SNRK: variants seen among roughly 807,000 people sequenced by gnomAD.
SNRK encodes the protein SNF-related serine/threonine-protein kinase.
Under a neutral mutation model 48.2 loss-of-function variants are expected in SNRK, and 3 were observed. That is an observed-to-expected ratio of 0.06 (90% CI 0.03 to 0.16). SNRK has a LOEUF of 0.16. Among genes scored for constraint, SNRK ranks in the 10% least tolerant of loss-of-function variants. The probability of loss-of-function intolerance (pLI) is 1.00; values close to 1 mark genes in which losing one functional copy is unlikely to be tolerated. For synonymous variants in SNRK, 376 were observed against 366.1 expected, an observed-to-expected ratio of 1.03 and a Z score of -0.31; for missense variants, 627 against 976.0, an observed-to-expected ratio of 0.64 and a Z score of 4.76.
At chr3:43,341,773 C>T (rs2091239947) in intron 5 of SNRK, among the ~76,000 whole-genome samples, 1 of 152,220 alleles carries the variant, frequency 6.6e-6, no homozygotes, top group Admixed American at 6.5e-5. Context: ...TCGTGCCACA[C>T]ACATGCCCAC....
chr3:43,331,943 C>T (rs1332680431), intron 3 of SNRK, among the ~76,000 whole-genome samples: 1 of 152,150 alleles, frequency 6.6e-6, no homozygotes, highest in Non-Finnish European at 1.5e-5. Context: ...GTCTCTTCAT[C>T]GAACATTTAT....
intron 6 of SNRK, among the ~76,000 whole-genome samples, chr3:43,344,966 C>T (rs1387576969): frequency 3.9e-5 from 6 of 152,050 alleles, no homozygotes; most frequent in Non-Finnish European, 5.9e-5. Context: ...TATGTGAGAC[C>T]AACATTAGCT....
At chr3:43,343,211 T>C in intron 5 of SNRK, 133 bp from the exon 6 acceptor site, 2 of 1,228,486 alleles carry the variant, frequency 1.6e-6, no homozygotes, top group Non-Finnish European at 2.2e-6. Flanking sequence ...TTTTTCTGGT[T>C]TGCATTTTTT....
chr3:43,312,042 G>A (rs2125626065), intron 3 of SNRK, among the ~76,000 whole-genome samples: 1 of 152,086 alleles, frequency 6.6e-6, no homozygotes, highest in South Asian at 2.1e-4. Flanking sequence ...GTTAAATTTG[G>A]TATTGGGAAC....
At chr3:43,322,219 TTGAC>T (rs1365531683) in intron 3 of SNRK, among the ~76,000 whole-genome samples, 2 of 152,278 alleles carry the variant, frequency 1.3e-5, no homozygotes, top group Admixed American at 6.5e-5. Flanking sequence ...AATTAATTAA[TTGAC>T]TGGAAAAATT....
intron 4 of SNRK, among the ~76,000 whole-genome samples, chr3:43,334,055 A>C (rs906954180): frequency 2.6e-5 from 4 of 152,160 alleles, no homozygotes; most frequent in African/African-American, 9.7e-5. Context: ...CTGAGGCAGG[A>C]GAATCACTTG....
rs745438813 is a variant in SNRK, at chr3:43,347,507, C to T, written c.1248C>T (p.Leu416=). Residue 416 remains leucine, a synonymous_variant, in exon 7 of 7, where the codon CTC becomes CTT. Coordinates refer to ENST00000296088, the MANE Select transcript of SNRK (RefSeq NM_017719.5). This position sits in a 1 kb window ranked among gnomAD's most constrained non-coding sequence, Gnocchi z 5.4. ...GLCDSAKKDD[L]PELAGPALST... is the part of the protein sequence containing the mutation. ...GTGACTCAGCTAAGAAAGATGACCT[C>T]CCTGAGTTGGCTGGACCAGCACTCT... The T allele has an allele frequency of 2.5e-6, 4 of 1,613,584 alleles. No homozygotes were observed. Among genetic ancestry groups the T allele is most frequent in the South Asian group, 2.2e-5 (2 of 91,040 alleles).
At chr3:43,328,108 T>C (rs928533402) in intron 3 of SNRK, among the ~76,000 whole-genome samples, 16 of 152,184 alleles carry the variant, frequency 1.1e-4, no homozygotes, top group African/African-American at 2.9e-4. Flanking sequence ...GGTTGATGTT[T>C]GTTAACCCGT....
chr3:43,336,583 C>T (rs1470883896), intron 4 of SNRK, among the ~76,000 whole-genome samples: 1 of 152,164 alleles, frequency 6.6e-6, no homozygotes, highest in Non-Finnish European at 1.5e-5. Context: ...CCTCCAGCCT[C>T]TGCCTCCCGA....
At chr3:43,328,471 A>G (rs1189350621) in intron 3 of SNRK, among the ~76,000 whole-genome samples, 1 of 152,092 alleles carries the variant, frequency 6.6e-6, no homozygotes, top group Non-Finnish European at 1.5e-5. Context: ...CCTGGGTTCA[A>G]GTGATCCTCC....
rs114487168 is a variant in SNRK at position 43,313,884 on chromosome 3, T to C, written c.589+10092T>C. Among the ~76,000 whole-genome samples the C allele has an allele frequency of 4.5e-3, 687 of 152,322 alleles. 4 individuals are homozygous for C. The highest frequency in any genetic ancestry group is 0.016 in the African/African-American group (660 of 41,572). On this transcript the variant is annotated intron_variant, in intron 3 of 6. Transcript: ENST00000296088. ...TGAAAAGTTTGAATATAGATACATA[T>C]TATTCATTAACTGGAAGGCAAGTAT...
chr3:43,311,626 C>T (rs1330212485), intron 3 of SNRK, among the ~76,000 whole-genome samples: 1 of 152,120 alleles, frequency 6.6e-6, no homozygotes, highest in East Asian at 1.9e-4. Flanking sequence ...TGGTGTACAC[C>T]TGGAGAGCTC....
intron 3 of SNRK, among the ~76,000 whole-genome samples, chr3:43,314,693 A>AT (rs1359692994): frequency 2.0e-5 from 3 of 152,196 alleles, no homozygotes; most frequent in African/African-American, 7.2e-5. Context: ...TGCTTGTAAG[A>AT]TAGTACAGCC....
At chr3:43,312,494 T>G (rs1405253497) in intron 3 of SNRK, among the ~76,000 whole-genome samples, 1 of 152,068 alleles carries the variant, frequency 6.6e-6, no homozygotes, top group African/African-American at 2.4e-5. Context: ...GAACATCAAC[T>G]TTATAAAGAG....
intron 3 of SNRK, chr3:43,314,938 A>G (rs1000546727): frequency 5.3e-5 from 8 of 152,134 alleles, no homozygotes; most frequent in African/African-American, 1.9e-4. Context: ...TTTATAAATA[A>G]TCTGCAATTA....
intron 3 of SNRK, among the ~76,000 whole-genome samples, chr3:43,310,829 A>G (rs1398394439): frequency 2.0e-5 from 3 of 151,908 alleles, no homozygotes; most frequent in Non-Finnish European, 4.4e-5. Context: ...TGTTTTTTTT[A>G]TTTTAACAGT....
intron 1 of SNRK, among the ~76,000 whole-genome samples, chr3:43,297,626 T>C (rs2090866907): frequency 6.6e-6 from 1 of 152,106 alleles, no homozygotes; most frequent in African/African-American, 2.4e-5. Flanking sequence ...GTTCTAATTG[T>C]AGTTTTCTCC....
At chr3:43,331,624 T>C (rs913086376) in intron 3 of SNRK, among the ~76,000 whole-genome samples, 3 of 152,222 alleles carry the variant, frequency 2.0e-5, no homozygotes, top group African/African-American at 7.2e-5. Flanking sequence ...TGGAGTAATA[T>C]ATAACCAGTC....
chr3:43,299,408 C>A (rs1016771813), intron 1 of SNRK, among the ~76,000 whole-genome samples: 3 of 152,098 alleles, frequency 2.0e-5, no homozygotes, highest in Non-Finnish European at 4.4e-5. Context: ...GAGCTCCTGA[C>A]CTCATGATCC....
Sources: allele counts gnomAD v4.1 joint callset (sites outside exome capture counted in the v4.1 genomes callset), GRCh38; gene constraint gnomAD v4.1.1; non-coding constraint Gnocchi (gnomAD v3.1); transcripts MANE v1.5; gene names NCBI Gene and HGNC (gene_info 2026-07-23, HGNC 2026-07-21).